DYNC1I1: variants seen among roughly 807,000 people sequenced by gnomAD.
The protein encoded by DYNC1I1 is cytoplasmic dynein 1 intermediate chain 1.
A neutral mutation model predicts 86.6 loss-of-function variants in DYNC1I1; 43 were observed. That is an observed-to-expected ratio of 0.50 (90% confidence interval 0.39 to 0.64). The LOEUF (loss-of-function observed/expected upper bound fraction) is 0.64. DYNC1I1 is among the 30% of genes least tolerant of loss of function. The pLI, the probability that DYNC1I1 is intolerant of heterozygous loss-of-function variation, is 0.00. For synonymous variants in DYNC1I1, 262 were observed against 283.7 expected (o/e 0.92, Z 0.77); for missense variants, 604 against 788.8 (o/e 0.77, Z 2.81).
At chr7:95,907,691 C>T (rs1791211691) in intron 6 of DYNC1I1, among the ~76,000 whole-genome samples, 1 of 152,044 alleles carries the variant, frequency 6.6e-6, no homozygotes, top group Non-Finnish European at 1.5e-5. Context: ...CTGCCTTTTA[C>T]CAGGACTGTA....
In DYNC1I1 at chr7:95,996,451, GA is replaced by G. The variant is rs1793870478; in HGVS notation, c.969+381del. On this transcript the variant is annotated intron_variant, in intron 10 of 16. Transcript: ENST00000447467. Reference sequence around the variant, plus strand: ...CCATTTCAAGTCTCCTACTCTCTTGGAAATGCAGTTCAATGGATTTTGCTGA... The same window carrying G: ...CCATTTCAAGTCTCCTACTCTCTTGGAATGCAGTTCAATGGATTTTGCTGA... Among the ~76,000 whole-genome samples, 4 of 152,134 alleles carry G rather than the reference GA, an allele frequency of 2.6e-5. No homozygotes were observed. In the South Asian group the frequency reaches 8.3e-4, roughly 31 times the overall value.
intron 1 of DYNC1I1, among the ~76,000 whole-genome samples, chr7:95,780,277 T>G (rs1302161333): frequency 6.6e-6 from 1 of 152,014 alleles, no homozygotes. Flanking sequence ...CCCCACTTTT[T>G]TTTTTTCCTT....
chr7:96,074,256 A>G lies in DYNC1I1; in HGVS notation c.1510-1801A>G, dbSNP rs193014581. On this transcript the variant is annotated intron_variant, in intron 14 of 16. Coordinates refer to ENST00000447467, the MANE Select transcript of DYNC1I1 (RefSeq NM_001135556.2). ...TATTCTGTGTTGCTTTAATGTATTA[A>G]AAGTTTGTTCAGGCCGGGCGCGGTG... 5.3e-3 allele frequency among the ~76,000 whole-genome samples: 803 copies of G among 152,312 alleles called. 1 individual carries two copies. Among genetic ancestry groups the G allele is most frequent in the African/African-American group, 0.018 (751 of 41,566 alleles).
rs117474371 is a variant in DYNC1I1 at position 95,896,161 on chromosome 7, C to T, written c.490+26163C>T. On this transcript the variant is annotated intron_variant, in intron 6 of 16. Transcript: ENST00000447467. Reference sequence around the variant, plus strand: ...AGGCAAGTCCAGACACAGTATATAGCGGCTTCAGGTGGGACTAGAACATCC... The same window carrying T: ...AGGCAAGTCCAGACACAGTATATAGTGGCTTCAGGTGGGACTAGAACATCC... 3.0e-3 allele frequency among the ~76,000 whole-genome samples: 451 copies of T among 152,278 alleles called. 2 individuals carry two copies. Among genetic ancestry groups the T allele is most frequent in the Admixed American group, 5.6e-3 (86 of 15,290 alleles).
intron 14 of DYNC1I1, among the ~76,000 whole-genome samples, chr7:96,041,513 A>G (rs1428475615): frequency 2.0e-5 from 3 of 152,228 alleles, no homozygotes; most frequent in Non-Finnish European, 4.4e-5. Flanking sequence ...ACATATGGAG[A>G]AGGACATTCA....
chr7:95,874,422 A>G (rs1790250818), intron 6 of DYNC1I1, among the ~76,000 whole-genome samples: 1 of 152,210 alleles, frequency 6.6e-6, no homozygotes, highest in Admixed American at 6.5e-5. Context: ...GATATGAGAT[A>G]CTTGATAGAA....
intron 6 of DYNC1I1, among the ~76,000 whole-genome samples, chr7:95,893,686 T>G (rs1181066066): frequency 6.6e-6 from 1 of 152,206 alleles, no homozygotes; most frequent in African/African-American, 2.4e-5. Flanking sequence ...CTGCTGATGA[T>G]GCAAAACCTA....
intron 14 of DYNC1I1, among the ~76,000 whole-genome samples, chr7:96,054,055 T>C (rs535646985): frequency 1.3e-5 from 2 of 152,306 alleles, no homozygotes; most frequent in South Asian, 2.1e-4. Context: ...AGGTTTGTTA[T>C]ATACACGTGC....
At chr7:96,033,214 C>A (rs1794853404) in intron 12 of DYNC1I1, among the ~76,000 whole-genome samples, 1 of 152,158 alleles carries the variant, frequency 6.6e-6, no homozygotes, top group Non-Finnish European at 1.5e-5. Flanking sequence ...GTAGCCTAGA[C>A]AACAGCCTGT....
intron 5 of DYNC1I1, among the ~76,000 whole-genome samples, chr7:95,845,328 A>G (rs1299308662): frequency 6.6e-6 from 1 of 152,212 alleles, no homozygotes; most frequent in Admixed American, 6.5e-5. Context: ...AATCCTCAGG[A>G]TGGTGGTAGG....
At chr7:95,997,592 T>C (rs1042331086) in intron 10 of DYNC1I1, among the ~76,000 whole-genome samples, 143 of 148,310 alleles carry the variant, frequency 9.6e-4, no homozygotes, top group African/African-American at 3.4e-3. Flanking sequence ...CTTGTGTGTG[T>C]GTGTGTGTGT....
intron 10 of DYNC1I1, among the ~76,000 whole-genome samples, chr7:96,005,605 C>T (rs559617087): frequency 6.6e-6 from 1 of 152,280 alleles, no homozygotes; most frequent in South Asian, 2.1e-4. Context: ...CACAGCTGGA[C>T]AGCCAGCAAA....
intron 14 of DYNC1I1, among the ~76,000 whole-genome samples, chr7:96,052,892 A>G (rs1259739973): frequency 6.6e-6 from 1 of 152,156 alleles, no homozygotes; most frequent in Non-Finnish European, 1.5e-5. Flanking sequence ...TGTCATGTAG[A>G]CTGAAGGTGG....
In DYNC1I1 at chr7:96,028,075, G is replaced by T. The variant is rs531111773; in HGVS notation, c.970-100G>T. 8.5e-5 allele frequency: 124 copies of T among 1,451,752 alleles called. 2 individuals carry two copies. In the South Asian group the frequency reaches 1.8e-3, roughly 21 times the overall value. 89.9% of individuals were successfully genotyped at this position (1,451,752 alleles called of 1,614,324 possible). On this transcript the variant is annotated intron_variant, in intron 10 of 16. Coordinates refer to ENST00000447467, the MANE Select transcript of DYNC1I1 (RefSeq NM_001135556.2). The stretch of plus-strand genomic sequence containing the variant: ...TTTAAATTATTTTTTTGTTTTCCAG[G>T]ATGTGTTGAGTTTATGTGATGAACT...
intron 16 of DYNC1I1, among the ~76,000 whole-genome samples, chr7:96,090,355 T>TA (rs140271101): frequency 0.03 from 4,554 of 152,240 alleles, 220 homozygotes; most frequent in East Asian, 0.23. Context: ...ACATGTTACT[T>TA]TCTTAAGATA....
At chr7:96,058,914 G>C (rs1480405999) in intron 14 of DYNC1I1, among the ~76,000 whole-genome samples, 1 of 151,026 alleles carries the variant, frequency 6.6e-6, no homozygotes. Context: ...AAAGTGCTAG[G>C]ATTACAGGAG....
chr7:95,959,724 T>G (rs76282164), intron 6 of DYNC1I1, among the ~76,000 whole-genome samples: 4,987 of 152,304 alleles, frequency 0.033, 222 homozygotes, highest in African/African-American at 0.099. Flanking sequence ...CATTTAACTT[T>G]GCTAAGCCTT....
downstream of DYNC1I1, among the ~76,000 whole-genome samples, chr7:96,101,297 G>A (rs780674020): frequency 1.3e-5 from 2 of 152,164 alleles, no homozygotes; most frequent in Non-Finnish European, 2.9e-5. Context: ...GAATGGAGAC[G>A]CAGGAGACTG....
rs533297306 is a variant in DYNC1I1 at position 96,062,630 on chromosome 7, A to C, written c.1510-13427A>C. ...TGCTGTTTGATAGATCCTATTGTTAAGAGAACTGCAGAAATGTATTCAAAA... is the reference window on the plus strand; with the variant it reads ...TGCTGTTTGATAGATCCTATTGTTACGAGAACTGCAGAAATGTATTCAAAA... On this transcript the variant is annotated intron_variant, in intron 14 of 16. Coordinates refer to ENST00000447467, the MANE Select transcript of DYNC1I1 (RefSeq NM_001135556.2). Among the ~76,000 whole-genome samples, 15 of 152,274 alleles carry C rather than the reference A, an allele frequency of 9.9e-5. No homozygotes were observed. In the South Asian group the frequency reaches 3.1e-3, roughly 32 times the overall value.
Sources: allele counts gnomAD v4.1 joint callset (sites outside exome capture counted in the v4.1 genomes callset), GRCh38; gene constraint gnomAD v4.1.1; transcripts MANE v1.5; gene names NCBI Gene and HGNC (gene_info 2026-07-23, HGNC 2026-07-21).